DOCK5: variants seen among roughly 807,000 people sequenced by gnomAD.
DOCK5 encodes the protein dedicator of cytokinesis 5, also known as dedicator of cytokinesis protein 5.
In DOCK5, 142 loss-of-function variants were observed where a neutral mutation model predicts 251.8. That is an observed-to-expected ratio of 0.56 (90% confidence interval 0.49 to 0.65). The LOEUF (loss-of-function observed/expected upper bound fraction) is 0.65. Ranked by LOEUF, DOCK5 falls within the 30% of genes least tolerant of loss-of-function variation. The pLI is 0.00. For missense variants in DOCK5, 2,111 were observed against 2,312.3 expected, an observed-to-expected ratio of 0.91 and a Z score of 1.79; for synonymous variants, 842 against 835.5, an observed-to-expected ratio of 1.01 and a Z score of -0.13.
chr8:25,298,980 A>C lies in DOCK5; in HGVS notation c.643A>C (p.Ile215Leu), dbSNP rs144212581. The change falls in exon 8 of 52, where the codon ATC (isoleucine) becomes CTC (leucine). Residue 215 changes from isoleucine to leucine, a missense_variant. Ile to Leu is a conservative substitution (Grantham distance 5). Around this residue, in one of 3 missense-constraint regions of DOCK5, gnomAD observed 335 missense variants for 324.9 expected, o/e 1.03. Coordinates refer to ENST00000276440, the MANE Select transcript of DOCK5 (RefSeq NM_024940.8). ...LQNLDLRGQS[I>L]FSTIHTYGLY... is the part of the protein sequence containing the mutation. ...GAACCTCGATTTGCGGGGCCAGTCC[A>C]TCTTCAGTACCATCCACACCTATGG... 11 of 1,613,466 alleles carry C rather than the reference A, an allele frequency of 6.8e-6. No homozygotes were observed. The South Asian group carries it at 1.1e-4, about 16-fold the overall frequency.
chr8:25,350,725 T>G (rs1800452039), intron 26 of DOCK5, among the ~76,000 whole-genome samples: 1 of 152,208 alleles, frequency 6.6e-6, no homozygotes, highest in African/African-American at 2.4e-5. Context: ...AGCTACCTTC[T>G]TGCTGTGTGC....
chr8:25,225,064 G>A (rs554558306), intron 1 of DOCK5, among the ~76,000 whole-genome samples: 1 of 152,290 alleles, frequency 6.6e-6, no homozygotes, highest in South Asian at 2.1e-4. Context: ...CATTAGAATG[G>A]CTGTTATCAA....
intron 40 of DOCK5, among the ~76,000 whole-genome samples, chr8:25,383,600 A>T (rs11135863): frequency 0.071 from 10,884 of 152,278 alleles, 470 homozygotes; most frequent in East Asian, 0.18. Flanking sequence ...CATGCCTGTA[A>T]TCCCAGCGCT....
intron 29 of DOCK5, among the ~76,000 whole-genome samples, chr8:25,363,770 A>C (rs1486261523): frequency 6.6e-6 from 1 of 152,210 alleles, no homozygotes; most frequent in Non-Finnish European, 1.5e-5. Context: ...CCCTGAACAC[A>C]TGGTCTGCTC....
At chr8:25,215,932 TACACACACACACACAC>T (rs199685009) in intron 1 of DOCK5, among the ~76,000 whole-genome samples, 63 of 141,172 alleles carry the variant, frequency 4.5e-4, no homozygotes, top group Non-Finnish European at 6.9e-4. Flanking sequence ...TGGAAATAAA[TACACACACACACACAC>T]ACACACACAC....
At chr8:25,363,709 A>G (rs137905805) in intron 29 of DOCK5, among the ~76,000 whole-genome samples, 53 of 152,318 alleles carry the variant, frequency 3.5e-4, no homozygotes, top group African/African-American at 1.2e-3. Context: ...TGCTTCTGCT[A>G]CTTCCCTGTG....
Position 25,296,647 on chromosome 8 carries a change from AGG to A in DOCK5, c.606_606+1del, listed in dbSNP as rs1804623595. On this transcript the variant is annotated splice_donor_variant and coding_sequence_variant, in exon 7 of 52. Coordinates refer to ENST00000276440, the MANE Select transcript of DOCK5 (RefSeq NM_024940.8). LOFTEE classifies it high-confidence loss of function. ...ATTGAGGAAAAGATCCAAGAAGAGA[AGG>A]TACAGTTCCTCAAATGTGAAATTCT... 6.2e-7 allele frequency: 1 copy of A among 1,612,588 alleles called. No individual in the cohort carries two copies. The highest frequency in any genetic ancestry group is 8.5e-7 in the Non-Finnish European group (1 of 1,179,336).
intron 1 of DOCK5, among the ~76,000 whole-genome samples, chr8:25,215,720 A>G (rs1379168552): frequency 2.0e-5 from 3 of 152,074 alleles, no homozygotes; most frequent in African/African-American, 4.8e-5. Flanking sequence ...ACCTTTAAAT[A>G]TAAAAAAGGC....
At chr8:25,369,994 A>T (rs1301576319) in intron 34 of DOCK5, among the ~76,000 whole-genome samples, 1 of 152,254 alleles carries the variant, frequency 6.6e-6, no homozygotes, top group Non-Finnish European at 1.5e-5. Flanking sequence ...TTAAAGGAAA[A>T]AATATTTCAA....
Position 25,308,764 on chromosome 8 carries a change from C to T in DOCK5, c.1050-19C>T. Reference sequence around the variant, plus strand: ...CCTTTCTCCCCCTCCCACCTTACCTCTTATTTCTCTTTCCCAAGAATTGCG... The same window carrying T: ...CCTTTCTCCCCCTCCCACCTTACCTTTTATTTCTCTTTCCCAAGAATTGCG... On this transcript the variant is annotated intron_variant, in intron 11 of 51. Coordinates refer to ENST00000276440, the MANE Select transcript of DOCK5 (RefSeq NM_024940.8). 2 of 1,613,104 alleles carry T rather than the reference C, an allele frequency of 1.2e-6. No homozygotes were observed. Among genetic ancestry groups the T allele is most frequent in the Non-Finnish European group, 1.7e-6 (2 of 1,179,178 alleles).
At chr8:25,372,279 T>C (rs887573663) in intron 34 of DOCK5, among the ~76,000 whole-genome samples, 3 of 152,224 alleles carry the variant, frequency 2.0e-5, no homozygotes, top group Non-Finnish European at 4.4e-5. Flanking sequence ...GGACATTGTG[T>C]GCTCAGATTC....
At chr8:25,310,620 G>C (rs775402924) in intron 13 of DOCK5, 88 bp downstream of exon 13, 5 of 1,444,434 alleles carry the variant, frequency 3.5e-6, no homozygotes, top group Non-Finnish European at 4.6e-6. Context: ...GGATCCAGAA[G>C]ACTTGGTTAT....
At chr8:25,196,169 G>A (rs1185533978) in intron 1 of DOCK5, among the ~76,000 whole-genome samples, 1 of 152,178 alleles carries the variant, frequency 6.6e-6, no homozygotes, top group Non-Finnish European at 1.5e-5. Flanking sequence ...GGAAGTGATG[G>A]GATTTGCTTT....
intron 10 of DOCK5, among the ~76,000 whole-genome samples, chr8:25,302,844 A>G (rs1316333510): frequency 6.6e-6 from 1 of 152,196 alleles, no homozygotes; most frequent in Non-Finnish European, 1.5e-5. Flanking sequence ...TCCCACCTAT[A>G]TGAGGCACCT....
intron 1 of DOCK5, among the ~76,000 whole-genome samples, chr8:25,240,066 G>T (rs781764834): frequency 8.5e-5 from 13 of 152,098 alleles, no homozygotes; most frequent in African/African-American, 2.7e-4. Context: ...TGTCAAGGAC[G>T]CCTTTCTTCC....
intron 48 of DOCK5, among the ~76,000 whole-genome samples, 178 bp downstream of exon 48, chr8:25,403,902 CAAAG>C (rs1181519628): frequency 1.3e-5 from 2 of 152,246 alleles, no homozygotes; most frequent in South Asian, 4.1e-4. Flanking sequence ...TGAAAAATGA[CAAAG>C]AAATCACCCA....
chr8:25,407,943 A>AT (rs1460961260), intron 48 of DOCK5, 40 bp from the exon 49 acceptor site: 2 of 1,567,890 alleles, frequency 1.3e-6, no homozygotes, highest in East Asian at 4.5e-5. Flanking sequence ...TTGCAAGGTG[A>AT]TCAGTATTTG....
chr8:25,374,756 A>C, intron 37 of DOCK5, 102 bp downstream of exon 37: 1 of 1,605,934 alleles, frequency 6.2e-7, no homozygotes, highest in Non-Finnish European at 8.5e-7. Flanking sequence ...ACTTTATTCC[A>C]GGAATATCCT....
rs1490693702 is a variant in DOCK5, at chr8:25,268,822, T to C, written c.128-23T>C. ...ATATCCCAGAAAACATAAAATATTT[T>C]GTGTTCTCTTTTGCTCTGACAGGTT... On this transcript the variant is annotated intron_variant, in intron 2 of 51. Coordinates refer to ENST00000276440, the MANE Select transcript of DOCK5 (RefSeq NM_024940.8). 6 of 1,562,638 alleles carry C rather than the reference T, an allele frequency of 3.8e-6. No homozygotes were observed. In the South Asian group the frequency reaches 7.1e-5, roughly 19 times the overall value.
Sources: gnomAD v4.1 joint callset for allele counts (sites outside exome capture counted in the v4.1 genomes callset) on GRCh38, gnomAD v4.1.1 for gene constraint, gnomAD v4.1.1 regional missense constraint, MANE v1.5 for transcripts, NCBI Gene and HGNC (gene_info 2026-07-23, HGNC 2026-07-21) for gene names.